DST: variants seen among roughly 807,000 people sequenced by gnomAD.
The protein encoded by DST is dystonin.
DST carries 253 observed loss-of-function variants against 875.2 expected under a neutral mutation model. The observed-to-expected ratio is 0.29, with a 90% CI of 0.26 to 0.32. The LOEUF (loss-of-function observed/expected upper bound fraction) is 0.32. Ranked by LOEUF, DST falls within the 10% of genes least tolerant of loss-of-function variation. The pLI, the probability that DST is intolerant of heterozygous loss-of-function variation, is 1.00. For synonymous variants in DST, 3,124 were observed against 3,197.1 expected (o/e 0.98, Z 0.77); for missense variants, 8,287 against 9,111.6 (o/e 0.91, Z 3.68).
In DST at chr6:56,603,942, C is replaced by A; in HGVS notation, c.10686G>T (p.Leu3562Phe). ...GATCCTTGAGCTTCTCATCTCTTGG[C>A]AATGTTGATGCCCACACAGTAGAGC... ...LESSTVWAST[L>F]PRDEKLKDLC... The change falls in exon 40 of 104, where the codon TTG (leucine) becomes TTT (phenylalanine). Residue 3562 changes from leucine (L) to phenylalanine (F), a missense_variant. Coordinates refer to ENST00000680361, the MANE Select transcript of DST (RefSeq NM_001374736.1). 1 of 1,611,398 alleles carries A rather than the reference C, an allele frequency of 6.2e-7. No homozygotes were observed. The highest frequency in any genetic ancestry group is 8.5e-7 in the Non-Finnish European group (1 of 1,178,570).
At chr6:56,774,987 C>T (rs1273139759) in intron 4 of DST, among the ~76,000 whole-genome samples, 6 of 131,510 alleles carry the variant, frequency 4.6e-5, no homozygotes, top group Non-Finnish European at 9.5e-5. Flanking sequence ...AGCGAAACTC[C>T]ATCTCAAAAA....
chr6:56,653,385 A>G (rs2098986907), intron 10 of DST, among the ~76,000 whole-genome samples: 1 of 152,142 alleles, frequency 6.6e-6, no homozygotes, highest in African/African-American at 2.4e-5. Flanking sequence ...AAAAGGGAAA[A>G]CTTTAAAAAC....
intron 94 of DST, among the ~76,000 whole-genome samples, chr6:56,471,600 A>C (rs539649958): frequency 6.6e-6 from 1 of 152,196 alleles, no homozygotes; most frequent in East Asian, 1.9e-4. Context: ...CACTTACCTA[A>C]CCCTTCAATC....
At chr6:56,743,876 G>A (rs2099557359) in intron 4 of DST, among the ~76,000 whole-genome samples, 1 of 152,168 alleles carries the variant, frequency 6.6e-6, no homozygotes, top group African/African-American at 2.4e-5. Flanking sequence ...AGCTTGGGCT[G>A]TGCATGATGG....
At position 56,745,766 on chromosome 6, in the gene DST, C is replaced by G. The variant is rs4413617; in HGVS notation, c.626-10477G>C. Among the ~76,000 whole-genome samples, 982 of 152,182 alleles carry G rather than the reference C, an allele frequency of 6.5e-3. 12 individuals are homozygous for G. Among genetic ancestry groups the G allele is most frequent in the African/African-American group, 0.023 (953 of 41,514 alleles). On this transcript the variant is annotated intron_variant, in intron 4 of 103. Coordinates refer to ENST00000680361, the MANE Select transcript of DST (RefSeq NM_001374736.1). ...TTAATTAGTAAGAAGGACAGCTCTT[C>G]CTAAATTACAAATGATGTGAGCATA...
chr6:56,852,929 T>A (rs13198597), intron 3 of DST, among the ~76,000 whole-genome samples: 26,445 of 152,220 alleles, frequency 0.17, 2,578 homozygotes, highest in African/African-American at 0.21. Context: ...ACACTCACCC[T>A]AGGTACGTGA....
chr6:56,827,093 G>A (rs2099781424), intron 4 of DST, among the ~76,000 whole-genome samples: 1 of 152,064 alleles, frequency 6.6e-6, no homozygotes, highest in African/African-American at 2.4e-5. Context: ...TTAACTAATG[G>A]CCTGTGCTAT....
chr6:56,609,318 A>C lies in DST; in HGVS notation c.5310T>G (p.Ile1770Met). Residue 1770 changes from isoleucine to methionine, a missense_variant, in exon 40 of 104, where the codon ATT becomes ATG. Transcript: ENST00000680361. ...EKLDKVIAGT[I>M]DQTTGEVLSV... ...AAAGGACTTCTCCAGTTGTCTGATC[A>C]ATGGTGCCTGCAATCACTTTATCCA... is the stretch of plus-strand genomic sequence containing the variant. The C allele has an allele frequency of 6.2e-7, 1 of 1,610,016 alleles. No homozygotes were observed. The highest frequency in any genetic ancestry group is 8.5e-7 in the Non-Finnish European group (1 of 1,177,858).
At chr6:56,802,900 C>T (rs1041042541) in intron 4 of DST, among the ~76,000 whole-genome samples, 4 of 152,066 alleles carry the variant, frequency 2.6e-5, no homozygotes, top group African/African-American at 9.7e-5. Context: ...AAATTCAATT[C>T]GAGAAAAGGG....
chr6:56,503,968 G>T, intron 78 of DST, 29 bp downstream of exon 78: 2 of 1,502,546 alleles, frequency 1.3e-6, no homozygotes, highest in Non-Finnish European at 1.8e-6. Context: ...CTGCAAGGGA[G>T]TCTTCGATAA....
At chr6:56,943,183 T>C (rs1398466616) in intron 2 of DST, among the ~76,000 whole-genome samples, 3 of 152,192 alleles carry the variant, frequency 2.0e-5, no homozygotes, top group Non-Finnish European at 4.4e-5. Context: ...CTTATGACAG[T>C]TAAAGCAATA....
At position 56,515,734 on chromosome 6, in the gene DST, C is replaced by A. The variant is rs989889807; in HGVS notation, c.18358-66G>T. 10 of 1,292,440 alleles carry A rather than the reference C, an allele frequency of 7.7e-6. No homozygotes were observed. The African/African-American group carries it at 1.3e-4, about 17-fold the overall frequency. 80.1% of individuals were successfully genotyped at this position (1,292,440 alleles called of 1,614,324 possible). A position where few individuals can be genotyped will look rare whatever the true frequency, so the allele number is the denominator to read the frequency against. ...ACGAGCACACACACTCCAGAGTGCTCTGTCCAGCACAGTACACCTGGACAG... is the reference window on the plus strand; with the variant it reads ...ACGAGCACACACACTCCAGAGTGCTATGTCCAGCACAGTACACCTGGACAG... On this transcript the variant is annotated intron_variant, in intron 71 of 103. Transcript: ENST00000680361.
At chr6:56,712,057 C>G (rs998180720) in intron 5 of DST, among the ~76,000 whole-genome samples, 8 of 139,190 alleles carry the variant, frequency 5.7e-5, no homozygotes, top group Non-Finnish European at 7.9e-5. Flanking sequence ...CGCCACTGCA[C>G]TCCAGCCTGG....
intron 4 of DST, among the ~76,000 whole-genome samples, chr6:56,783,071 G>A: frequency 6.6e-6 from 1 of 152,148 alleles, no homozygotes; most frequent in Non-Finnish European, 1.5e-5. Flanking sequence ...TAGTTTGATT[G>A]CACTGTGGTC....
chr6:56,537,084 CA>C, intron 61 of DST, 144 bp from the exon 62 acceptor site: 1 of 653,694 alleles, frequency 1.5e-6, no homozygotes, highest in East Asian at 2.8e-5. Flanking sequence ...AGCCATAGGT[CA>C]TAGCTACCTT....
intron 3 of DST, among the ~76,000 whole-genome samples, chr6:56,854,018 G>GGGAA (rs1562187375): frequency 6.6e-6 from 1 of 152,044 alleles, no homozygotes; most frequent in Non-Finnish European, 1.5e-5. Context: ...TAAAGTATCG[G>GGGAA]ATTTTTTCCC....
At chr6:56,595,128 A>T (rs1456553372) in intron 47 of DST, among the ~76,000 whole-genome samples, 1 of 152,152 alleles carries the variant, frequency 6.6e-6, no homozygotes. Context: ...CACATTTCTT[A>T]TAATGGCTTA....
Position 56,469,949 on chromosome 6 carries a change from C to T in DST, c.22485G>A (p.Arg7495=), listed in dbSNP as rs1428395637. The T allele has an allele frequency of 8.7e-6, 14 of 1,613,276 alleles. No individual in the cohort carries two copies. In the East Asian group the frequency reaches 1.1e-4, roughly 13 times the overall value. ...DADKIEDEVT[R]QVAKCKCAKR... is the part of the protein sequence containing the mutation. ...TTGCACATTTACACTTAGCTACCTGCCTTGTCACCTGCCAAAAACAATGAT... is the reference window on the plus strand; with the variant it reads ...TTGCACATTTACACTTAGCTACCTGTCTTGTCACCTGCCAAAAACAATGAT... The change falls in exon 97 of 104, where the codon AGG becomes AGA. Residue 7495 remains arginine, a synonymous_variant. Coordinates refer to ENST00000680361, the MANE Select transcript of DST (RefSeq NM_001374736.1).
chr6:56,692,574 T>C, intron 9 of DST: 3 of 1,289,810 alleles, frequency 2.3e-6, no homozygotes, highest in Non-Finnish European at 2.0e-6. Flanking sequence ...GTGATCTTTC[T>C]ATACCCGAGG....
Sources: allele counts gnomAD v4.1 joint callset (sites outside exome capture counted in the v4.1 genomes callset), GRCh38; gene constraint gnomAD v4.1.1; transcripts MANE v1.5; gene names NCBI Gene and HGNC (gene_info 2026-07-23, HGNC 2026-07-21).